Variants in CEP85L observed in about 807,000 individuals in gnomAD.
CEP85L encodes the protein centrosomal protein of 85 kDa-like.
CEP85L carries 60 observed loss-of-function variants against 100.3 expected under a neutral mutation model. The ratio of observed to expected loss-of-function variants is 0.60; its 90% confidence interval spans 0.49 to 0.74. The LOEUF (loss-of-function observed/expected upper bound fraction) is 0.74. Ranked by LOEUF, CEP85L falls within the 30% of genes least tolerant of loss-of-function variation. The pLI is 0.00. For missense variants in CEP85L, 973 were observed against 936.2 expected, an observed-to-expected ratio of 1.04 and a Z score of -0.51; for synonymous variants, 319 against 322.7, an observed-to-expected ratio of 0.99 and a Z score of 0.12.
At chr6:118,669,448 G>A (rs985859586) in intron 1 of CEP85L, among the ~76,000 whole-genome samples, 3 of 152,022 alleles carry the variant, frequency 2.0e-5, no homozygotes, top group Non-Finnish European at 4.4e-5. Context: ...CCACCCCCTT[G>A]CCCTTCCTTA....
At chr6:118,675,986 T>A (rs1363317747) in intron 1 of CEP85L, among the ~76,000 whole-genome samples, 1 of 152,154 alleles carries the variant, frequency 6.6e-6, no homozygotes, top group African/African-American at 2.4e-5. Context: ...CCAAAGAAGA[T>A]CAAGCCAAGT....
chr6:118,638,373 A>T (rs1774647190), intron 1 of CEP85L, among the ~76,000 whole-genome samples: 1 of 152,110 alleles, frequency 6.6e-6, no homozygotes, highest in Non-Finnish European at 1.5e-5. Context: ...ATAACATTCT[A>T]ATCTTTTAAT....
intron 1 of CEP85L, among the ~76,000 whole-genome samples, chr6:118,689,039 C>T (rs1776942272): frequency 6.6e-6 from 1 of 152,218 alleles, no homozygotes; most frequent in African/African-American, 2.4e-5. Flanking sequence ...CTGATGCGCT[C>T]TTCCCTTCAG....
intron 2 of CEP85L, among the ~76,000 whole-genome samples, chr6:118,567,698 T>G (rs1779635988): frequency 6.6e-6 from 1 of 152,194 alleles, no homozygotes; most frequent in South Asian, 2.1e-4. Context: ...AGATACTTAT[T>G]ACTTGTATTC....
At chr6:118,652,327 C>G, upstream of CEP85L, 1 of 923,078 alleles carries the variant, frequency 1.1e-6, no homozygotes, top group African/African-American at 1.8e-5. Context: ...CCACCCTTCA[C>G]CTGAACCCTT....
chr6:118,602,723 T>C (rs544998100), intron 2 of CEP85L, among the ~76,000 whole-genome samples: 4 of 152,246 alleles, frequency 2.6e-5, no homozygotes, highest in Non-Finnish European at 4.4e-5. Flanking sequence ...TTGGCCTGAT[T>C]ATTTGCATAA....
rs879892130 is a variant in CEP85L, at chr6:118,558,652, CACACACACAGAG to C, written c.1020+6865_1020+6876del. Among the ~76,000 whole-genome samples the C allele has an allele frequency of 6.8e-3, 904 of 132,940 alleles. 3 individuals are homozygous for C. The highest frequency in any genetic ancestry group is 0.011 in the Non-Finnish European group (681 of 63,412). The allele number at this position is 132,940 out of a possible 152,430, so 87.2% of individuals were successfully genotyped here. A position where few individuals can be genotyped will look rare whatever the true frequency, so the allele number is the denominator to read the frequency against. ...ACACACACACACACACACACACACA[CACACACACAGAG>C]AGAGAGAGAGAGAGAGAGAGAGAGG... On this transcript the variant is annotated intron_variant, in intron 3 of 12. Coordinates refer to ENST00000368491, the MANE Select transcript of CEP85L (RefSeq NM_001042475.3).
intron 1 of CEP85L, among the ~76,000 whole-genome samples, chr6:118,647,883 T>C (rs1384534440): frequency 6.6e-6 from 1 of 152,254 alleles, no homozygotes; most frequent in Non-Finnish European, 1.5e-5. Context: ...TGTTCTATTT[T>C]AAATTAGCCT....
chr6:118,671,783 C>CA (rs1400774231), intron 1 of CEP85L, among the ~76,000 whole-genome samples: 1 of 152,006 alleles, frequency 6.6e-6, no homozygotes, highest in Non-Finnish European at 1.5e-5. Flanking sequence ...ACTAAAAATA[C>CA]AAAAATCAGT....
intron 5 of CEP85L, chr6:118,501,826 GAGA>G: frequency 7.7e-7 from 1 of 1,292,686 alleles, no homozygotes; most frequent in Non-Finnish European, 1.1e-6. Flanking sequence ...GAGAGAGAGA[GAGA>G]GAGGACTCTG....
At chr6:118,550,494 G>A (rs1024743126) in intron 3 of CEP85L, among the ~76,000 whole-genome samples, 14 of 151,716 alleles carry the variant, frequency 9.2e-5, no homozygotes, top group African/African-American at 3.1e-4. Context: ...TTCTTAAAGA[G>A]CAATTTCCTA....
At chr6:118,608,534 T>A (rs1772401495) in intron 2 of CEP85L, among the ~76,000 whole-genome samples, 1 of 151,982 alleles carries the variant, frequency 6.6e-6, no homozygotes, top group African/African-American at 2.4e-5. Context: ...GAATATAAAA[T>A]TAATCTCTTA....
At chr6:118,632,927 T>A (rs60456335) in intron 1 of CEP85L, among the ~76,000 whole-genome samples, 1 of 152,188 alleles carries the variant, frequency 6.6e-6, no homozygotes, top group African/African-American at 2.4e-5. Flanking sequence ...AGTACTCTGC[T>A]CTAGAATAAT....
At chr6:118,536,839 T>C (rs1421113324) in intron 3 of CEP85L, among the ~76,000 whole-genome samples, 2 of 152,190 alleles carry the variant, frequency 1.3e-5, no homozygotes, top group African/African-American at 4.8e-5. Flanking sequence ...CTTCCTAATA[T>C]AGAAAAGAGG....
chr6:118,474,279 C>T (rs1162822015), intron 10 of CEP85L, among the ~76,000 whole-genome samples: 1 of 152,114 alleles, frequency 6.6e-6, no homozygotes, highest in African/African-American at 2.4e-5. Context: ...AAAAATGAAA[C>T]AAAACTCAAC....
chr6:118,524,828 T>G (rs941450428), intron 3 of CEP85L, among the ~76,000 whole-genome samples: 1 of 152,218 alleles, frequency 6.6e-6, no homozygotes, highest in African/African-American at 2.4e-5. Flanking sequence ...AGGGCTCATG[T>G]GGGCATGCCC....
chr6:118,592,721 TATC>T lies in CEP85L; in HGVS notation c.233-26408_233-26406del, dbSNP rs553745745. On this transcript the variant is annotated intron_variant, in intron 2 of 12. Coordinates refer to ENST00000368491, the MANE Select transcript of CEP85L (RefSeq NM_001042475.3). ...AAATGAAAAATTTATGCAAACCTCT[TATC>T]ATGATCATGATGCCCTGTAAATAAA... Among the ~76,000 whole-genome samples the T allele has an allele frequency of 6.0e-4, 92 of 152,290 alleles. 3 individuals carry two copies. Among genetic ancestry groups the T allele is most frequent in the Admixed American group, 5.0e-3 (76 of 15,296 alleles).
intron 12 of CEP85L, among the ~76,000 whole-genome samples, chr6:118,468,105 C>T (rs1307192410): frequency 2.0e-5 from 3 of 152,164 alleles, no homozygotes; most frequent in Non-Finnish European, 4.4e-5. Flanking sequence ...TCGATATCCA[C>T]ATTTGTGTAT....
At chr6:118,535,474 T>C (rs1163909357) in intron 3 of CEP85L, among the ~76,000 whole-genome samples, 1 of 152,228 alleles carries the variant, frequency 6.6e-6, no homozygotes, top group Non-Finnish European at 1.5e-5. Context: ...GCAGTTTCAC[T>C]TTCTCTGGTT....
Sources: allele counts gnomAD v4.1 joint callset (sites outside exome capture counted in the v4.1 genomes callset), GRCh38; gene constraint gnomAD v4.1.1; transcripts MANE v1.5; gene names NCBI Gene and HGNC (gene_info 2026-07-23, HGNC 2026-07-21).